Variants in AKAP7 observed in about 807,000 individuals in gnomAD.
AKAP7 encodes A kinase (PRKA) anchor protein 7.
A neutral mutation model predicts 39.5 loss-of-function variants in AKAP7; 39 were observed. The observed-to-expected ratio is 0.99, with a 90% CI of 0.76 to 1.29. The LOEUF (loss-of-function observed/expected upper bound fraction) is 1.29. AKAP7 is among the 50% of genes most tolerant of loss of function. The pLI, the probability that AKAP7 is intolerant of heterozygous loss-of-function variation, is 0.00. For synonymous variants in AKAP7, 140 were observed against 139.1 expected (o/e 1.01, Z -0.05); for missense variants, 414 against 407.7 (o/e 1.02, Z -0.13).
the AKAP7 span, among the ~76,000 whole-genome samples, chr6:131,130,079 T>C: frequency 2.6e-5 from 4 of 152,178 alleles, no homozygotes; most frequent in Non-Finnish European, 5.9e-5. Flanking sequence ...AAGTCAGAAA[T>C]GGGTCATGTT....
chr6:131,162,355 CT>C (rs1330996038), intron 3 of AKAP7, among the ~76,000 whole-genome samples: 1 of 152,182 alleles, frequency 6.6e-6, no homozygotes, highest in African/African-American at 2.4e-5. Context: ...CTCTCTACCC[CT>C]GTAAAGTTGT....
At chr6:131,138,607 A>G (rs934838524) in intron 1 of AKAP7, among the ~76,000 whole-genome samples, 1 of 152,214 alleles carries the variant, frequency 6.6e-6, no homozygotes, top group African/African-American at 2.4e-5. Flanking sequence ...ACATTGCTAT[A>G]GTCAGTGTAT....
intron 6 of AKAP7, among the ~76,000 whole-genome samples, chr6:131,203,987 T>C (rs940253826): frequency 2.6e-5 from 4 of 152,156 alleles, no homozygotes; most frequent in African/African-American, 9.7e-5. Context: ...TCAGATTGCC[T>C]TGTCAAGCAA....
intron 2 of AKAP7, among the ~76,000 whole-genome samples, chr6:131,153,213 A>G (rs1298912504): frequency 6.6e-6 from 1 of 152,166 alleles, no homozygotes; most frequent in East Asian, 1.9e-4. Flanking sequence ...GGAATTAAGA[A>G]AAGTGTATTA....
intron 6 of AKAP7, among the ~76,000 whole-genome samples, chr6:131,207,659 G>T (rs1383717969): frequency 6.6e-6 from 1 of 151,888 alleles, no homozygotes; most frequent in Non-Finnish European, 1.5e-5. Flanking sequence ...TAGTGAAACT[G>T]AGAGGTAGAG....
intron 7 of AKAP7, among the ~76,000 whole-genome samples, chr6:131,240,844 C>T (rs962692583): frequency 6.6e-6 from 1 of 152,228 alleles, no homozygotes; most frequent in African/African-American, 2.4e-5. Context: ...TCCCTGACCC[C>T]TTGCACTTCC....
chr6:131,226,140 A>G lies in AKAP7; in HGVS notation c.850+6332A>G, dbSNP rs532920683. Among the ~76,000 whole-genome samples the G allele has an allele frequency of 7.9e-5, 12 of 152,208 alleles. No individual in the cohort carries two copies. The East Asian group carries it at 1.4e-3, about 17-fold the overall frequency. ...GAGCGTAGCTATCTTTTATCATCCC[A>G]CTTACCCTGTTGTTCTTGTACAAAT... On this transcript the variant is annotated intron_variant, in intron 7 of 7. Transcript: ENST00000431975.
At chr6:131,241,575 ATATGTGTGTGTGTGTG>A (rs1811558530) in intron 7 of AKAP7, among the ~76,000 whole-genome samples, 1 of 63,786 alleles carries the variant, frequency 1.6e-5, no homozygotes, top group African/African-American at 6.8e-5. Context: ...TAGATTATAT[ATATGTGTGTGTGTGTG>A]TGTGTGTGTG....
At chr6:131,223,630 T>G (rs1301712138) in intron 7 of AKAP7, among the ~76,000 whole-genome samples, 1 of 152,192 alleles carries the variant, frequency 6.6e-6, no homozygotes, top group Non-Finnish European at 1.5e-5. Flanking sequence ...AATGGAAAAC[T>G]TAGATACTTC....
chr6:131,221,218 A>G (rs1471454468), intron 7 of AKAP7, among the ~76,000 whole-genome samples: 1 of 152,248 alleles, frequency 6.6e-6, no homozygotes, highest in Non-Finnish European at 1.5e-5. Context: ...TTAGTGGTCT[A>G]GATAGAAGAT....
chr6:131,270,125 G>C (rs916491194), intron 7 of AKAP7, among the ~76,000 whole-genome samples: 1 of 152,134 alleles, frequency 6.6e-6, no homozygotes, highest in African/African-American at 2.4e-5. Flanking sequence ...AATATTCACT[G>C]TATATAAGTC....
intron 7 of AKAP7, among the ~76,000 whole-genome samples, chr6:131,266,115 C>T (rs1813777764): frequency 6.6e-6 from 1 of 152,172 alleles, no homozygotes; most frequent in Admixed American, 6.5e-5. Context: ...CTCTGGCTTA[C>T]TCTTCAGGAA....
At chr6:131,251,816 A>G (rs559841433) in intron 7 of AKAP7, among the ~76,000 whole-genome samples, 7 of 152,246 alleles carry the variant, frequency 4.6e-5, no homozygotes, top group African/African-American at 1.7e-4. Context: ...TTCACTTTCT[A>G]ACAAAGACCA....
chr6:131,260,318 C>T (rs905710889), intron 7 of AKAP7, among the ~76,000 whole-genome samples: 3 of 151,898 alleles, frequency 2.0e-5, no homozygotes, highest in African/African-American at 7.2e-5. Flanking sequence ...GGGCATATAC[C>T]CAGTAATGGG....
At chr6:131,190,510 T>C (rs1365324072) in intron 5 of AKAP7, among the ~76,000 whole-genome samples, 1 of 151,856 alleles carries the variant, frequency 6.6e-6, no homozygotes, top group East Asian at 1.9e-4. Flanking sequence ...GGCATGGTGG[T>C]GCGTGCCTGT....
At chr6:131,167,125 G>T (rs1803585330) in intron 4 of AKAP7, among the ~76,000 whole-genome samples, 1 of 152,106 alleles carries the variant, frequency 6.6e-6, no homozygotes, top group Admixed American at 6.6e-5. Context: ...ACTCCAGTTT[G>T]AGAATTTCGT....
chr6:131,193,595 C>G (rs1000685716), intron 5 of AKAP7, among the ~76,000 whole-genome samples: 2 of 152,032 alleles, frequency 1.3e-5, no homozygotes, highest in Non-Finnish European at 2.9e-5. Flanking sequence ...AGTATTCCCT[C>G]CCCTCTATTT....
At chr6:131,193,996 C>T (rs1806669576) in intron 5 of AKAP7, among the ~76,000 whole-genome samples, 2 of 151,938 alleles carry the variant, frequency 1.3e-5, no homozygotes, top group Non-Finnish European at 2.9e-5. Context: ...AAAAAAACAG[C>T]TTTTCATTTT....
intron 5 of AKAP7, among the ~76,000 whole-genome samples, chr6:131,178,499 A>G (rs17183507): frequency 0.1 from 15,510 of 152,174 alleles, 1,028 homozygotes; most frequent in South Asian, 0.22. Context: ...TTAGCATCCT[A>G]CACCCATACA....
Sources: allele counts gnomAD v4.1 joint callset (sites outside exome capture counted in the v4.1 genomes callset), GRCh38; gene constraint gnomAD v4.1.1; transcripts MANE v1.5; gene names NCBI Gene and HGNC (gene_info 2026-07-23, HGNC 2026-07-21).